Variants in MGAT4C observed in about 807,000 individuals in gnomAD.
MGAT4C encodes the protein alpha-1,3-mannosyl-glycoprotein 4-beta-N-acetylglucosaminyltransferase C.
In MGAT4C, 19 loss-of-function variants were observed where a neutral mutation model predicts 40.1. The observed-to-expected ratio is 0.47, with a 90% CI of 0.33 to 0.70. MGAT4C has a LOEUF of 0.70. MGAT4C is among the 30% of genes least tolerant of loss of function. The probability of loss-of-function intolerance (pLI) is 0.02; values close to 1 mark genes in which losing one functional copy is unlikely to be tolerated. For synonymous variants in MGAT4C, 181 were observed against 187.1 expected (o/e 0.97, Z 0.27); for missense variants, 491 against 563.2 (o/e 0.87, Z 1.30).
At chr12:86,657,439 A>T (rs1189232867) in intron 2 of MGAT4C, among the ~76,000 whole-genome samples, 1 of 151,944 alleles carries the variant, frequency 6.6e-6, no homozygotes, top group Non-Finnish European at 1.5e-5. Context: ...AGAGCCTTAG[A>T]TAGCACTCTC....
At chr12:86,085,195 C>G (rs1871542770) in intron 1 of MGAT4C, among the ~76,000 whole-genome samples, 1 of 151,836 alleles carries the variant, frequency 6.6e-6, no homozygotes, top group African/African-American at 2.4e-5. Flanking sequence ...TGTGCAGAAG[C>G]TCTTTAGTTT....
chr12:86,215,591 T>G (rs528138291), intron 1 of MGAT4C, among the ~76,000 whole-genome samples: 1 of 152,302 alleles, frequency 6.6e-6, no homozygotes, highest in African/African-American at 2.4e-5. Context: ...CCAATCAAGC[T>G]GTTTCTGCAT....
chr12:86,269,535 T>A (rs1005044594), intron 4 of MGAT4C, among the ~76,000 whole-genome samples: 11 of 151,872 alleles, frequency 7.2e-5, no homozygotes, highest in Admixed American at 1.3e-4. Context: ...GTTAACTGAA[T>A]TATAAACTCT....
intron 4 of MGAT4C, among the ~76,000 whole-genome samples, 161 bp from the exon 5 acceptor site, chr12:85,980,591 A>G (rs1884474630): frequency 6.6e-6 from 1 of 152,124 alleles, no homozygotes; most frequent in Non-Finnish European, 1.5e-5. Flanking sequence ...TAATAAGCTA[A>G]ATATATAAAG....
At chr12:86,092,634 T>A (rs548380247) in intron 1 of MGAT4C, among the ~76,000 whole-genome samples, 1 of 152,288 alleles carries the variant, frequency 6.6e-6, no homozygotes, top group Non-Finnish European at 1.5e-5. Flanking sequence ...GTTTTTCATT[T>A]ATTTCTGAGT....
At chr12:86,299,500 A>G (rs922366026) in intron 4 of MGAT4C, among the ~76,000 whole-genome samples, 1 of 152,158 alleles carries the variant, frequency 6.6e-6, no homozygotes, top group African/African-American at 2.4e-5. Context: ...AAATGAAGAG[A>G]GCTTGTTTGT....
chr12:86,033,401 T>C lies in MGAT4C; in HGVS notation c.-7+16273A>G, dbSNP rs552094332. 2.1e-4 allele frequency among the ~76,000 whole-genome samples: 31 copies of C among 149,918 alleles called. 2 individuals carry two copies. In the South Asian group the frequency reaches 5.9e-3, roughly 28 times the overall value. On this transcript the variant is annotated intron_variant, in intron 2 of 4. Transcript: ENST00000611864. ...CTTTCTATTAATGAGCATGGAATGT[T>C]TTTCCATTTGTTTATATTGTCTTTG... is the stretch of plus-strand genomic sequence containing the variant.
intron 2 of MGAT4C, among the ~76,000 whole-genome samples, chr12:86,449,149 G>T (rs1245817855): frequency 6.6e-6 from 1 of 152,142 alleles, no homozygotes; most frequent in Non-Finnish European, 1.5e-5. Flanking sequence ...ATGTAACAAT[G>T]CTGAATAAGT....
chr12:86,137,909 G>A (rs1348252695), intron 1 of MGAT4C, among the ~76,000 whole-genome samples: 1 of 152,142 alleles, frequency 6.6e-6, no homozygotes, highest in Non-Finnish European at 1.5e-5. Flanking sequence ...TCATTTGCAT[G>A]GAGTTGGGAA....
Position 86,403,375 on chromosome 12 carries a change from G to A in MGAT4C, c.-120+31782C>T, listed in dbSNP as rs188043220. The stretch of plus-strand genomic sequence containing the variant: ...CACATTGTACTAAGGAAAAATATAT[G>A]CAAATACCCTGTTAGCAGCTTCTGT... On this transcript the variant is annotated intron_variant, in intron 3 of 7. Coordinates refer to the MGAT4C transcript ENST00000548651. Among the ~76,000 whole-genome samples, 3 of 152,292 alleles carry A rather than the reference G, an allele frequency of 2.0e-5. No individual in the cohort carries two copies. In the East Asian group the frequency reaches 5.8e-4, roughly 29 times the overall value.
intron 1 of MGAT4C, among the ~76,000 whole-genome samples, chr12:86,165,708 A>G (rs839119): frequency 0.8 from 122,050 of 152,126 alleles, 49,464 homozygotes; most frequent in East Asian, 1. Context: ...CGATGATATA[A>G]ATGAGAGATA....
At chr12:86,237,826 A>G (rs546921994) in intron 1 of MGAT4C, among the ~76,000 whole-genome samples, 4 of 151,968 alleles carry the variant, frequency 2.6e-5, no homozygotes, top group Non-Finnish European at 2.9e-5. Context: ...CAGTTAATTC[A>G]TAGATAATTT....
chr12:86,054,362 T>TC lies in MGAT4C; in HGVS notation c.-56-4640_-56-4639insG, dbSNP rs1460423628. On this transcript the variant is annotated intron_variant, in intron 1 of 4. Coordinates refer to ENST00000611864, the MANE Select transcript of MGAT4C (RefSeq NM_001351288.2). Reference sequence around the variant, plus strand: ...GTTCTCACTAGTATGTGGGAGTTATTATAAAAAAGCTGAACTGATAAAAGT... The same window carrying TC: ...GTTCTCACTAGTATGTGGGAGTTATTCATAAAAAAGCTGAACTGATAAAAGT... 3.3e-5 allele frequency among the ~76,000 whole-genome samples: 5 copies of TC among 152,082 alleles called. 1 individual carries two copies. The highest frequency in any genetic ancestry group is 1.9e-4 in the East Asian group (1 of 5,168).
chr12:86,609,941 T>G (rs2136473081), intron 2 of MGAT4C, among the ~76,000 whole-genome samples: 2 of 152,310 alleles, frequency 1.3e-5, no homozygotes, highest in South Asian at 4.1e-4. Flanking sequence ...GATTTTATAG[T>G]TCATCACATT....
chr12:86,553,093 C>A (rs1384934175), intron 2 of MGAT4C, among the ~76,000 whole-genome samples: 1 of 152,060 alleles, frequency 6.6e-6, no homozygotes, highest in Non-Finnish European at 1.5e-5. Context: ...AAAGTAATTT[C>A]AGAGCTTGTG....
intron 3 of MGAT4C, among the ~76,000 whole-genome samples, chr12:86,363,477 A>T (rs1440973806): frequency 6.6e-6 from 1 of 152,104 alleles, no homozygotes; most frequent in Admixed American, 6.5e-5. Context: ...TGGGGGGAAA[A>T]TTTATAGCAT....
intron 1 of MGAT4C, among the ~76,000 whole-genome samples, chr12:86,205,221 T>C (rs1950205619): frequency 6.6e-6 from 1 of 151,808 alleles, no homozygotes; most frequent in African/African-American, 2.4e-5. Flanking sequence ...AATCTTGAGA[T>C]AGTAGAAATG....
chr12:86,304,478 T>G (rs1953887424), intron 4 of MGAT4C, among the ~76,000 whole-genome samples: 1 of 150,718 alleles, frequency 6.6e-6, no homozygotes, highest in Non-Finnish European at 1.5e-5. Context: ...CTGTCAAAAC[T>G]TATATGCATC....
chr12:86,127,466 C>A (rs373471434), intron 1 of MGAT4C, among the ~76,000 whole-genome samples: 1 of 152,206 alleles, frequency 6.6e-6, no homozygotes, highest in African/African-American at 2.4e-5. Context: ...CTACTGCAGA[C>A]TTCATAAGTG....
Sources: gnomAD v4.1 joint callset for allele counts (sites outside exome capture counted in the v4.1 genomes callset) on GRCh38, gnomAD v4.1.1 for gene constraint, MANE v1.5 for transcripts, NCBI Gene and HGNC (gene_info 2026-07-23, HGNC 2026-07-21) for gene names.